The following SHBG variants were observed in gnomAD, a reference collection of about 807,000 sequenced individuals.
The protein encoded by SHBG is sex hormone binding globulin.
A neutral mutation model predicts 41.9 loss-of-function variants in SHBG; 37 were observed. The observed-to-expected ratio is 0.88, with a 90% CI of 0.68 to 1.16. SHBG has a LOEUF of 1.16. SHBG is among the 50% of genes most tolerant of loss of function. The pLI is 0.00. For missense variants in SHBG, 466 were observed against 499.9 expected (o/e 0.93, Z 0.65); for synonymous variants, 217 against 205.8 (o/e 1.05, Z -0.47).
Position 7,631,941 on chromosome 17 carries a change from G to A in SHBG, c.778G>A (p.Ala260Thr). 1 of 1,614,038 alleles carries A rather than the reference G, an allele frequency of 6.2e-7. No homozygotes were observed. Among genetic ancestry groups the A allele is most frequent in the Non-Finnish European group, 8.5e-7 (1 of 1,179,988 alleles). The change falls in exon 6 of 8, where the codon GCA (alanine) becomes ACA (threonine). Residue 260 changes from alanine (A) to threonine (T), a missense_variant. By Grantham distance (58) the Ala-to-Thr change is moderately conservative (BLOSUM62 0). Transcript: ENST00000380450. ...FSLDLGLKQA[A>T]GSGHLLALGT... ...TTTGGACCTGGGACTCAAGCAGGCA[G>A]CAGGCTCAGGCCACCTCCTTGCTCT...
upstream of SHBG, chr17:7,627,687 T>C (rs1222801803): frequency 1.2e-6 from 2 of 1,605,806 alleles, no homozygotes; most frequent in South Asian, 2.2e-5. This position sits in a 1 kb window ranked among gnomAD's most constrained non-coding sequence, Gnocchi z 4.8. Flanking sequence ...AAACGGCAAC[T>C]AGACCCCTTA....
upstream of SHBG, among the ~76,000 whole-genome samples, chr17:7,629,375 CTAAAATAAAA>C (rs58676803): frequency 0.26 from 37,921 of 146,202 alleles, 4,987 homozygotes; most frequent in Non-Finnish European, 0.28. Context: ...AAGACTCTGT[CTAAAATAAAA>C]TAAAATAAAA....
upstream of SHBG, among the ~76,000 whole-genome samples, chr17:7,625,667 G>A (rs553108785): frequency 2.6e-5 from 4 of 151,892 alleles, no homozygotes; most frequent in East Asian, 1.9e-4. Flanking sequence ...GAGGCAGTCG[G>A]ACTACCTGAG....
rs1266235110 is a variant in SHBG, at chr17:7,631,674, T to C, written c.641T>C (p.Leu214Pro). The C allele has an allele frequency of 1.9e-6, 3 of 1,614,064 alleles. No individual in the cohort carries two copies. Among genetic ancestry groups the C allele is most frequent in the Non-Finnish European group, 2.5e-6 (3 of 1,179,944 alleles). ...ATCTCAGCATCTGCCCCCACTAGCC[T>C]CAGAAGCTGTGATGTAGAATCAAAT... ...AEISASAPTSLRSCDVESNPG... is the reference protein window; with the variant it reads ...AEISASAPTSPRSCDVESNPG... Residue 214 changes from leucine (L) to proline (P), a missense_variant, in exon 5 of 8, where the codon CTC becomes CCC. Coordinates refer to ENST00000380450, the MANE Select transcript of SHBG (RefSeq NM_001040.5).
At chr17:7,620,661 G>C (rs893038995) in intron 1 of SHBG, among the ~76,000 whole-genome samples, 1 of 150,506 alleles carries the variant, frequency 6.6e-6, no homozygotes, top group Non-Finnish European at 1.5e-5. Flanking sequence ...ACGGAGTTTT[G>C]CTCTTGTTAC....
At chr17:7,624,721 G>A (rs1291378523), upstream of SHBG, among the ~76,000 whole-genome samples, 2 of 151,212 alleles carry the variant, frequency 1.3e-5, no homozygotes, top group African/African-American at 2.4e-5. Flanking sequence ...GCATGATCTC[G>A]GCTCACTGCA....
chr17:7,630,892 G>C lies in SHBG; in HGVS notation c.393+23G>C, dbSNP rs1363593692. On this transcript the variant is annotated intron_variant, in intron 3 of 7. Coordinates refer to ENST00000380450, the MANE Select transcript of SHBG (RefSeq NM_001040.5). The surrounding 1 kb of genome is among the most constrained non-coding windows in gnomAD (Gnocchi z 4.6). Reference sequence around the variant, plus strand: ...CAGGTAAGCTAGCTCTGGTCCTCAGGGGAGGGATGTCTGGAGCTGGTCTGA... The same window carrying C: ...CAGGTAAGCTAGCTCTGGTCCTCAGCGGAGGGATGTCTGGAGCTGGTCTGA... 7 of 1,605,998 alleles carry C rather than the reference G, an allele frequency of 4.4e-6. No individual in the cohort carries two copies. The highest frequency in any genetic ancestry group is 6.0e-6 in the Non-Finnish European group (7 of 1,175,280).
rs2072380861 is a variant in SHBG, at chr17:7,630,768, C to T, written c.292C>T (p.Leu98=). ...CAACCCTAAGGATGACTGGTTTATG[C>T]TGGGACTTCGAGACGGCAGGCCTGA... ...DTNPKDDWFM[L]GLRDGRPEIQ... The change falls in exon 3 of 8, where the codon CTG becomes TTG. Residue 98 remains leucine (L), a synonymous_variant. Transcript: ENST00000380450. This position sits in a 1 kb window ranked among gnomAD's most constrained non-coding sequence, Gnocchi z 4.6. The T allele has an allele frequency of 1.2e-6, 2 of 1,613,972 alleles. No homozygotes were observed. The highest frequency in any genetic ancestry group is 1.7e-6 in the Non-Finnish European group (2 of 1,179,946).
At chr17:7,626,792 A>G (rs1453126677), upstream of SHBG, 2 of 1,613,946 alleles carry the variant, frequency 1.2e-6, no homozygotes, top group South Asian at 1.1e-5. Context: ...CAATCCCTTG[A>G]CCTGTTGTGG....
upstream of SHBG, chr17:7,626,576 G>T (rs546670313): frequency 6.2e-7 from 1 of 1,613,986 alleles, no homozygotes; most frequent in Admixed American, 1.7e-5. Flanking sequence ...AGTCCAGGAC[G>T]GCCAGGCGGA....
chr17:7,620,685 C>T (rs911696684), intron 1 of SHBG, among the ~76,000 whole-genome samples: 1 of 151,596 alleles, frequency 6.6e-6, no homozygotes, highest in Non-Finnish European at 1.5e-5. Context: ...GGCTGGAGTG[C>T]AATGGTGCAA....
At chr17:7,617,149 A>AT (rs917439885) in intron 1 of SHBG, among the ~76,000 whole-genome samples, 83 of 147,940 alleles carry the variant, frequency 5.6e-4, no homozygotes, top group East Asian at 1.2e-3. Flanking sequence ...ATTTACTTTT[A>AT]TTTTTTTTTT....
intron 1 of SHBG, among the ~76,000 whole-genome samples, chr17:7,616,923 C>T (rs1288808034): frequency 1.3e-5 from 2 of 151,932 alleles, no homozygotes; most frequent in African/African-American, 2.4e-5. Context: ...GCAAAAAGAG[C>T]GACACTCTGT....
chr17:7,631,277 T>C lies in SHBG; in HGVS notation c.471T>C (p.Ser157=). The C allele has an allele frequency of 1.2e-6, 2 of 1,613,122 alleles. No homozygotes were observed. Among genetic ancestry groups the C allele is most frequent in the South Asian group, 1.1e-5 (1 of 90,854 alleles). Residue 157 remains serine, a synonymous_variant, in exon 4 of 8, where the codon TCT becomes TCC. Coordinates refer to ENST00000380450, the MANE Select transcript of SHBG (RefSeq NM_001040.5). Reference sequence around the variant, plus strand: ...AGGTGCTGCGCCTGAGACAGGTCTCTGGGCCCCTGACCAGCAAACGCCATC... The same window carrying C: ...AGGTGCTGCGCCTGAGACAGGTCTCCGGGCCCCTGACCAGCAAACGCCATC... ...GEEVLRLRQV[S]GPLTSKRHPI... is the part of the protein sequence containing the mutation.
chr17:7,631,307 C>A lies in SHBG; in HGVS notation c.501C>A (p.Ile167=), dbSNP rs746099339. 1 of 1,613,906 alleles carries A rather than the reference C, an allele frequency of 6.2e-7. No homozygotes were observed. The highest frequency in any genetic ancestry group is 1.1e-5 in the South Asian group (1 of 91,040). ...CCCTGACCAGCAAACGCCATCCCAT[C>A]ATGAGGATTGCGCTTGGGGGGCTGC... ...SGPLTSKRHP[I]MRIALGGLLF... Residue 167 remains isoleucine, a synonymous_variant, in exon 4 of 8, where the codon ATC becomes ATA. Transcript: ENST00000380450.
chr17:7,627,988 G>A, upstream of SHBG: 1 of 515,354 alleles, frequency 1.9e-6, no homozygotes, highest in East Asian at 5.1e-5. This position sits in a 1 kb window ranked among gnomAD's most constrained non-coding sequence, Gnocchi z 4.8. Context: ...CTCCTGGGTA[G>A]AGTTCAAGGT....
rs201565480 is a variant in SHBG, at chr17:7,631,761, G to T, written c.715+13G>T. The stretch of plus-strand genomic sequence containing the variant: ...TTCAATCTCCGAGGTAGATTTCCTC[G>T]GAGTCTATTTTTCCCACCCTGGCCA... On this transcript the variant is annotated intron_variant, in intron 5 of 7. Coordinates refer to ENST00000380450, the MANE Select transcript of SHBG (RefSeq NM_001040.5). The T allele has an allele frequency of 1.2e-6, 2 of 1,613,804 alleles. No individual in the cohort carries two copies. The highest frequency in any genetic ancestry group is 1.1e-5 in the South Asian group (1 of 91,082).
intron 1 of SHBG, among the ~76,000 whole-genome samples, chr17:7,620,584 G>C (rs1429677559): frequency 6.6e-6 from 1 of 151,984 alleles, no homozygotes; most frequent in Non-Finnish European, 1.5e-5. Context: ...GCCTTCCAAA[G>C]TGCTGGGATT....
rs148093673 is a variant in SHBG, at chr17:7,619,346, C to T, written c.-62+5235C>T. Among the ~76,000 whole-genome samples the T allele has an allele frequency of 6.8e-3, 1,017 of 148,958 alleles. 6 individuals are homozygous for T. Among genetic ancestry groups the T allele is most frequent in the Admixed American group, 9.8e-3 (145 of 14,838 alleles). ...CAGAGGTTGCAGTGAGCCAAGATCG[C>T]GCCATTGCACTCCAGCCTGGGCATT... On this transcript the variant is annotated intron_variant, in intron 1 of 5. Coordinates refer to the SHBG transcript ENST00000570547.
Sources: gnomAD v4.1 joint callset for allele counts (sites outside exome capture counted in the v4.1 genomes callset) on GRCh38, gnomAD v4.1.1 for gene constraint, Gnocchi (gnomAD v3.1) non-coding constraint, MANE v1.5 for transcripts, NCBI Gene and HGNC (gene_info 2026-07-23, HGNC 2026-07-21) for gene names.